SECTM1: variants seen among roughly 807,000 people sequenced by gnomAD.
SECTM1 encodes secreted and transmembrane 1.
In SECTM1, 10 loss-of-function variants were observed where a neutral mutation model predicts 18.1. That is an observed-to-expected ratio of 0.55 (90% CI 0.34 to 0.94). SECTM1 has a LOEUF of 0.94. Ranked by LOEUF, SECTM1 falls within the 40% of genes least tolerant of loss-of-function variation. The pLI, the probability that SECTM1 is intolerant of heterozygous loss-of-function variation, is 0.02. For synonymous variants in SECTM1, 137 were observed against 139.2 expected, an observed-to-expected ratio of 0.98 and a Z score of 0.11; for missense variants, 297 against 322.6, an observed-to-expected ratio of 0.92 and a Z score of 0.61.
intron 1 of SECTM1, among the ~76,000 whole-genome samples, chr17:82,331,170 G>A (rs934246443): frequency 2.0e-5 from 3 of 152,148 alleles, no homozygotes; most frequent in Non-Finnish European, 2.9e-5. Flanking sequence ...GGCAAGTGGC[G>A]GGAAAGGTGT....
At position 82,322,885 on chromosome 17, in the gene SECTM1, C is replaced by T. The variant is rs759704012; in HGVS notation, c.530G>A (p.Arg177His). The T allele has an allele frequency of 2.4e-5, 39 of 1,613,556 alleles. No homozygotes were observed. Among genetic ancestry groups the T allele is most frequent in the African/African-American group, 1.2e-4 (9 of 74,894 alleles). Residue 177 changes from arginine to histidine, a missense_variant, in exon 4 of 5, where the codon CGC becomes CAC. Coordinates refer to ENST00000269389, the MANE Select transcript of SECTM1 (RefSeq NM_003004.3). The stretch of plus-strand genomic sequence containing the variant: ...GGGTGCAGGGCCTCCTACCTCCCGG[C>T]GTTGCTGGGAACAGCGGCACCTGTA... ...AWYRCRCSQQ[R>H]REKKFFLLEP...
Position 82,322,298 on chromosome 17 carries a change from T to C in SECTM1, c.610A>G (p.Arg204Gly), listed in dbSNP as rs763600141. The change falls in exon 5 of 5, where the codon AGA becomes GGA. Residue 204 changes from arginine to glycine, a missense_variant. Physicochemically the swap from Arg to Gly is moderately radical, Grantham distance 125. Coordinates refer to ENST00000269389, the MANE Select transcript of SECTM1 (RefSeq NM_003004.3). The stretch of plus-strand genomic sequence containing the variant: ...GGGGTCCACAGTTCAGCGGAGGCTC[T>C]GCTCAGGCCCTGCTGGGCTCCCGCT... ...LRAGAQQGLS[R>G]ASAELWTPDS... is the part of the protein sequence containing the mutation. The C allele has an allele frequency of 8.7e-6, 14 of 1,612,850 alleles. No homozygotes were observed. The highest frequency in any genetic ancestry group is 1.2e-5 in the Non-Finnish European group (14 of 1,179,392).
rs1000699665 is a variant in SECTM1 at position 82,330,891 on chromosome 17, C to A, written c.-53+2809G>T. Reference sequence around the variant, plus strand: ...TCCTCTCCATGGTCTCAGCCCCTGGCGGCCTGGACTGCACCGTTCCGGAGA... The same window carrying A: ...TCCTCTCCATGGTCTCAGCCCCTGGAGGCCTGGACTGCACCGTTCCGGAGA... On this transcript the variant is annotated intron_variant, in intron 1 of 4. Coordinates refer to ENST00000269389, the MANE Select transcript of SECTM1 (RefSeq NM_003004.3). This position sits in a 1 kb window ranked among gnomAD's most constrained non-coding sequence, Gnocchi z 6.1. Among the ~76,000 whole-genome samples, 1 of 152,134 alleles carries A rather than the reference C, an allele frequency of 6.6e-6. No individual in the cohort carries two copies. Among genetic ancestry groups the A allele is most frequent in the East Asian group, 1.9e-4 (1 of 5,184 alleles).
At position 82,324,684 on chromosome 17, in the gene SECTM1, G is replaced by C; in HGVS notation, c.301C>G (p.Gln101Glu). The stretch of plus-strand genomic sequence containing the variant: ...TCCCGGGCGCCTTTGATCACCAGCT[G>C]TGCCACGCCTCCCTGAACCTGGAGC... The part of the protein sequence containing the change: ...WQLQVQGGVA[Q>E]LVIKGARDSH... The change falls in exon 3 of 5, where the codon CAG becomes GAG. Residue 101 changes from glutamine (Q) to glutamate (E), a missense_variant. Physicochemically the swap from Gln to Glu is conservative, Grantham distance 29. Coordinates refer to ENST00000269389, the MANE Select transcript of SECTM1 (RefSeq NM_003004.3). 3 of 1,614,094 alleles carry C rather than the reference G, an allele frequency of 1.9e-6. No homozygotes were observed. Among genetic ancestry groups the C allele is most frequent in the Non-Finnish European group, 2.5e-6 (3 of 1,180,022 alleles).
chr17:82,324,937 G>A (rs1341805337), intron 2 of SECTM1, 47 bp from the exon 3 acceptor site: 5 of 1,549,026 alleles, frequency 3.2e-6, no homozygotes, highest in Non-Finnish European at 4.4e-6. Context: ...TGGACCTCAG[G>A]GCATTGGCTG....
At chr17:82,322,816 G>C in intron 4 of SECTM1, 62 bp downstream of exon 4, 1 of 1,588,996 alleles carries the variant, frequency 6.3e-7, no homozygotes, top group South Asian at 1.1e-5. Context: ...GCTGACCTCA[G>C]CCTGGGGCAG....
rs2052147290 is a variant in SECTM1 at position 82,326,589 on chromosome 17, G to C, written c.94+558C>G. On this transcript the variant is annotated intron_variant, in intron 2 of 4. Coordinates refer to ENST00000269389, the MANE Select transcript of SECTM1 (RefSeq NM_003004.3). This position sits in a 1 kb window ranked among gnomAD's most constrained non-coding sequence, Gnocchi z 4.3. ...ACTCCAGCCTGGGCGTCCAGCCTGG[G>C]CGATAGAGGTAGAACCCGTCTCAAA... Among the ~76,000 whole-genome samples, 1 of 151,394 alleles carries C rather than the reference G, an allele frequency of 6.6e-6. No homozygotes were observed. Among genetic ancestry groups the C allele is most frequent in the Non-Finnish European group, 1.5e-5 (1 of 67,888 alleles).
At position 82,322,066 on chromosome 17, in the gene SECTM1, C is replaced by T; in HGVS notation, c.*95G>A. On this transcript the variant is annotated 3_prime_UTR_variant, in exon 5 of 5. Transcript: ENST00000269389. ...CCCAGCCTGCCAAGCAAGCCGGTGT[C>T]TGTGCCCTCCGGGTGGGACGAGAGA... is the stretch of plus-strand genomic sequence containing the variant. 1 of 1,250,972 alleles carries T rather than the reference C, an allele frequency of 8.0e-7. No homozygotes were observed. Among genetic ancestry groups the T allele is most frequent in the African/African-American group, 1.5e-5 (1 of 67,514 alleles). The allele number at this position is 1,250,972 out of a possible 1,614,324, so 77.5% of individuals were successfully genotyped here.
In SECTM1 at chr17:82,324,896, G is replaced by A; in HGVS notation, c.95-6C>T. 1 of 1,604,998 alleles carries A rather than the reference G, an allele frequency of 6.2e-7. No individual in the cohort carries two copies. The highest frequency in any genetic ancestry group is 8.5e-7 in the Non-Finnish European group (1 of 1,174,430). On this transcript the variant is annotated splice_region_variant and splice_polypyrimidine_tract_variant and intron_variant, in intron 2 of 4. Coordinates refer to ENST00000269389, the MANE Select transcript of SECTM1 (RefSeq NM_003004.3). ...GCAGATGGGGCTGTCCCAGCCTGTAGGGCCAGACAGAGGCACACACGGATC... is the reference window on the plus strand; with the variant it reads ...GCAGATGGGGCTGTCCCAGCCTGTAAGGCCAGACAGAGGCACACACGGATC...
At chr17:82,332,281 C>T (rs572826778) in intron 1 of SECTM1, among the ~76,000 whole-genome samples, 2 of 152,352 alleles carry the variant, frequency 1.3e-5, no homozygotes, top group Non-Finnish European at 2.9e-5. Flanking sequence ...TGCTCCCTGA[C>T]AAGCGATGAT....
Position 82,322,049 on chromosome 17 carries a change from G to C in SECTM1, c.*112C>G. On this transcript the variant is annotated 3_prime_UTR_variant, in exon 5 of 5. Coordinates refer to ENST00000269389, the MANE Select transcript of SECTM1 (RefSeq NM_003004.3). ...AGTGGGTGACACAGAGGCCCAGCCT[G>C]CCAAGCAAGCCGGTGTCTGTGCCCT... 9.6e-7 allele frequency: 1 copy of C among 1,036,432 alleles called. No homozygotes were observed. The highest frequency in any genetic ancestry group is 1.6e-5 in the African/African-American group (1 of 63,364). 64.2% of individuals were successfully genotyped at this position (1,036,432 alleles called of 1,614,324 possible). A position where few individuals can be genotyped will look rare whatever the true frequency, so the allele number is the denominator to read the frequency against.
At position 82,328,784 on chromosome 17, in the gene SECTM1, C is replaced by T. The variant is rs146671346; in HGVS notation, c.-52-1492G>A. ...GCCGAGAGAACTCCACCTTCGAAGG[C>T]GGCTGGGGCAAGGGTTCGTGGCCAG... is the stretch of plus-strand genomic sequence containing the variant. On this transcript the variant is annotated intron_variant, in intron 1 of 4. Coordinates refer to ENST00000269389, the MANE Select transcript of SECTM1 (RefSeq NM_003004.3). The surrounding 1 kb of genome is among the most constrained non-coding windows in gnomAD (Gnocchi z 5.8). Among the ~76,000 whole-genome samples the T allele has an allele frequency of 6.2e-4, 95 of 152,256 alleles. 1 individual carries two copies. The highest frequency in any genetic ancestry group is 2.1e-3 in the African/African-American group (89 of 41,542).
At position 82,322,154 on chromosome 17, in the gene SECTM1, C is replaced by G. The variant is rs765879352; in HGVS notation, c.*7G>C. The G allele has an allele frequency of 1.2e-6, 2 of 1,613,638 alleles. No homozygotes were observed. Among genetic ancestry groups the G allele is most frequent in the African/African-American group, 2.7e-5 (2 of 75,048 alleles). Reference sequence around the variant, plus strand: ...GCTCTCCTGTGTCCTCTCTGCCTTGCAGGCGGCTATGGGTCTGCGGCATAT... The same window carrying G: ...GCTCTCCTGTGTCCTCTCTGCCTTGGAGGCGGCTATGGGTCTGCGGCATAT... On this transcript the variant is annotated 3_prime_UTR_variant, in exon 5 of 5. Coordinates refer to ENST00000269389, the MANE Select transcript of SECTM1 (RefSeq NM_003004.3).
chr17:82,333,284 G>A (rs1311515648), intron 1 of SECTM1, among the ~76,000 whole-genome samples: 1 of 152,192 alleles, frequency 6.6e-6, no homozygotes, highest in Non-Finnish European at 1.5e-5. Context: ...AGGGAGGAGG[G>A]GGCTCCGACC....
chr17:82,329,284 C>T lies in SECTM1; in HGVS notation c.-52-1992G>A, dbSNP rs2052173318. 6.6e-6 allele frequency: 1 copy of T among 152,180 alleles called. No individual in the cohort carries two copies. Among genetic ancestry groups the T allele is most frequent in the Non-Finnish European group, 1.5e-5 (1 of 68,136 alleles). The allele number at this position is 152,180 out of a possible 1,614,324, so 9.4% of individuals were successfully genotyped here. On this transcript the variant is annotated intron_variant, in intron 1 of 4. Coordinates refer to ENST00000269389, the MANE Select transcript of SECTM1 (RefSeq NM_003004.3). This position sits in a 1 kb window ranked among gnomAD's most constrained non-coding sequence, Gnocchi z 7.6. ...CATGGTCCTGCCTCCACGTGGAAGA[C>T]CCTGCCAGCCGCAGAGTGCAGGTGT... is the stretch of plus-strand genomic sequence containing the variant.
chr17:82,326,904 G>A lies in SECTM1; in HGVS notation c.94+243C>T, dbSNP rs114114553. The stretch of plus-strand genomic sequence containing the variant: ...ACCAGGTACCACAGCGGGCACCACC[G>A]CCCTCCACCCACGGCGGGACACGGC... On this transcript the variant is annotated intron_variant, in intron 2 of 4. Transcript: ENST00000269389. This position sits in a 1 kb window ranked among gnomAD's most constrained non-coding sequence, Gnocchi z 4.3. Among the ~76,000 whole-genome samples, 4,304 of 142,898 alleles carry A rather than the reference G, an allele frequency of 0.03. 125 individuals carry two copies. The highest frequency in any genetic ancestry group is 0.056 in the African/African-American group (2,060 of 37,106). The allele number at this position is 142,898 out of a possible 152,430, so 93.7% of individuals were successfully genotyped here. A position where few individuals can be genotyped will look rare whatever the true frequency, so the allele number is the denominator to read the frequency against.
intron 3 of SECTM1, chr17:82,323,284 G>A (rs2052114037): frequency 4.3e-6 from 2 of 465,936 alleles, no homozygotes; most frequent in Non-Finnish European, 7.8e-6. Context: ...CCCAGGAGCT[G>A]CGCGCTGGCC....
At chr17:82,327,022 C>A (rs2052152096) in intron 2 of SECTM1, 125 bp downstream of exon 2, 1 of 714,690 alleles carries the variant, frequency 1.4e-6, no homozygotes, top group African/African-American at 1.8e-5. Flanking sequence ...CCTGGGTCTG[C>A]AGAGTCAGTC....
In SECTM1 at chr17:82,330,541, C is replaced by T. The variant is rs2052183262; in HGVS notation, c.-53+3159G>A. Among the ~76,000 whole-genome samples the T allele has an allele frequency of 1.3e-5, 2 of 152,186 alleles. No individual in the cohort carries two copies. Among genetic ancestry groups the T allele is most frequent in the Non-Finnish European group, 2.9e-5 (2 of 68,012 alleles). On this transcript the variant is annotated intron_variant, in intron 1 of 4. Transcript: ENST00000269389. The surrounding 1 kb of genome is among the most constrained non-coding windows in gnomAD (Gnocchi z 6.1). ...TGAGCCAGACCTCAGCAGCTGGGTC[C>T]TGGAGGCCCCCAAGGGCCAGCTGCA...
Sources: allele counts gnomAD v4.1 joint callset (sites outside exome capture counted in the v4.1 genomes callset), GRCh38; gene constraint gnomAD v4.1.1; non-coding constraint Gnocchi (gnomAD v3.1); transcripts MANE v1.5; gene names NCBI Gene and HGNC (gene_info 2026-07-23, HGNC 2026-07-21).